The following SPATA13 variants were observed in gnomAD, a reference collection of about 807,000 sequenced individuals.
SPATA13 encodes spermatogenesis-associated protein 13.
Under a neutral mutation model 104.0 loss-of-function variants are expected in SPATA13, and 50 were observed. The ratio of observed to expected loss-of-function variants is 0.48; its 90% CI spans 0.38 to 0.61. The LOEUF (loss-of-function observed/expected upper bound fraction) is 0.61, where lower values mean the gene tolerates loss of function less well. Among genes scored for constraint, SPATA13 ranks in the 20% least tolerant of loss-of-function variants. The pLI, the probability that SPATA13 is intolerant of heterozygous loss-of-function variation, is 0.00. For missense variants in SPATA13, 1,524 were observed against 1,690.6 expected (o/e 0.90, Z 1.73); for synonymous variants, 606 against 667.5 (o/e 0.91, Z 1.42).
At chr13:24,240,433 T>C (rs9578697) in intron 2 of SPATA13, among the ~76,000 whole-genome samples, 48 of 152,078 alleles carry the variant, frequency 3.2e-4, no homozygotes, top group African/African-American at 1.1e-3. Flanking sequence ...AAAAACCTAT[T>C]AGCCTGGGAG....
intron 2 of SPATA13, among the ~76,000 whole-genome samples, chr13:24,226,861 A>G (rs938475394): frequency 1.4e-4 from 21 of 152,232 alleles, no homozygotes; most frequent in Non-Finnish European, 1.3e-4. Flanking sequence ...GGACTATCGC[A>G]GAGTACTTTC....
At chr13:24,197,670 G>A (rs1016469194) in intron 1 of SPATA13, among the ~76,000 whole-genome samples, 3 of 152,150 alleles carry the variant, frequency 2.0e-5, no homozygotes, top group Admixed American at 6.5e-5. Context: ...AATAAAGTAC[G>A]TCCTAGAGAA....
intron 3 of SPATA13, among the ~76,000 whole-genome samples, chr13:24,145,584 A>G (rs531121181): frequency 6.6e-6 from 1 of 152,354 alleles, no homozygotes; most frequent in East Asian, 1.9e-4. Flanking sequence ...GAATAACAGC[A>G]TTTGTGTAGC....
In SPATA13 at chr13:23,991,727, A is replaced by G. The variant is rs546734996; in HGVS notation, c.-147+7794A>G. Among the ~76,000 whole-genome samples, 6 of 152,286 alleles carry G rather than the reference A, an allele frequency of 3.9e-5. No homozygotes were observed. In the East Asian group the frequency reaches 1.2e-3, roughly 29 times the overall value. On this transcript the variant is annotated intron_variant, in intron 2 of 14. Coordinates refer to the SPATA13 transcript ENST00000424834. ...GCCCCTAACACCAAGAGGACAACAGAGTAATCATCCCACAGTGACCTTCAT... is the reference window on the plus strand; with the variant it reads ...GCCCCTAACACCAAGAGGACAACAGGGTAATCATCCCACAGTGACCTTCAT...
Position 24,167,556 on chromosome 13 carries a change from A to G in SPATA13, c.-112+6624A>G, listed in dbSNP as rs191725250. On this transcript the variant is annotated intron_variant, in intron 1 of 12. Coordinates refer to ENST00000382108, the MANE Select transcript of SPATA13 (RefSeq NM_001166271.3). ...GAATTCTGAACAGCCAGGTTCTAAA[A>G]TCGTGAAGTACCAATACTTCTGTGT... Among the ~76,000 whole-genome samples the G allele has an allele frequency of 2.8e-3, 429 of 152,294 alleles. 2 individuals are homozygous for G. The highest frequency in any genetic ancestry group is 9.7e-3 in the African/African-American group (402 of 41,570).
chr13:24,104,768 A>G (rs1366497728), intron 3 of SPATA13, among the ~76,000 whole-genome samples: 3 of 152,248 alleles, frequency 2.0e-5, no homozygotes, highest in African/African-American at 4.8e-5. Context: ...TTGATATAAT[A>G]ACTTGTTAGT....
intron 1 of SPATA13, among the ~76,000 whole-genome samples, chr13:24,184,424 T>C (rs1009234033): frequency 1.3e-5 from 2 of 152,168 alleles, no homozygotes; most frequent in Non-Finnish European, 2.9e-5. Flanking sequence ...CCAGAACCAT[T>C]TGGTCACCAG....
intron 4 of SPATA13, among the ~76,000 whole-genome samples, chr13:24,266,578 A>G (rs1485213814): frequency 2.6e-5 from 4 of 151,812 alleles, no homozygotes; most frequent in African/African-American, 9.7e-5. Context: ...GCCACCACAC[A>G]CAATCTTCAG....
At chr13:24,289,833 G>A (rs928940061) in intron 8 of SPATA13, among the ~76,000 whole-genome samples, 5 of 152,210 alleles carry the variant, frequency 3.3e-5, no homozygotes, top group Admixed American at 3.3e-4. Context: ...AATAGCTAGG[G>A]AACAGTAAGA....
chr13:24,061,849 C>T (rs1459973165), intron 3 of SPATA13, among the ~76,000 whole-genome samples: 1 of 150,796 alleles, frequency 6.6e-6, no homozygotes, highest in Non-Finnish European at 1.5e-5. Context: ...CAAATGTACC[C>T]CAAACCTAAC....
intron 3 of SPATA13, among the ~76,000 whole-genome samples, chr13:24,033,167 A>AG (rs1323606805): frequency 6.6e-6 from 1 of 152,248 alleles, no homozygotes; most frequent in Non-Finnish European, 1.5e-5. Context: ...TTTGAAAGCA[A>AG]GACCACTTAG....
At chr13:24,069,995 T>A (rs1025006796) in intron 3 of SPATA13, among the ~76,000 whole-genome samples, 4 of 152,032 alleles carry the variant, frequency 2.6e-5, no homozygotes, top group African/African-American at 9.7e-5. Context: ...GGTAGAGGGG[T>A]CTCTGGCAAG....
intron 3 of SPATA13, among the ~76,000 whole-genome samples, chr13:24,111,149 A>T (rs1190338004): frequency 6.6e-6 from 1 of 151,820 alleles, no homozygotes; most frequent in Non-Finnish European, 1.5e-5. Context: ...GTTTCAAGTG[A>T]TCCTCCCACC....
chr13:24,128,936 T>C lies in SPATA13; in HGVS notation c.-111-93883T>C, dbSNP rs75032010. ...TTTCTCACCCAAGATCAAGTAATGATTGGTTCCACTAAAGGCTTAGTAGAA... is the reference window on the plus strand; with the variant it reads ...TTTCTCACCCAAGATCAAGTAATGACTGGTTCCACTAAAGGCTTAGTAGAA... On this transcript the variant is annotated intron_variant, in intron 3 of 14. Transcript: ENST00000424834. Among the ~76,000 whole-genome samples, 1,418 of 152,312 alleles carry C rather than the reference T, an allele frequency of 9.3e-3. 17 individuals carry two copies. The highest frequency in any genetic ancestry group is 0.032 in the African/African-American group (1,339 of 41,566).
At position 24,305,660 on chromosome 13, in the gene SPATA13, T is replaced by C. The variant is rs1877533771; in HGVS notation, c.*2887T>C. The C allele has an allele frequency of 6.6e-6, 1 of 152,220 alleles. No homozygotes were observed. The highest frequency in any genetic ancestry group is 2.1e-4 in the South Asian group (1 of 4,830). The allele number at this position is 152,220 out of a possible 1,614,324, so 9.4% of individuals were successfully genotyped here. A position where few individuals can be genotyped will look rare whatever the true frequency, so the allele number is the denominator to read the frequency against. ...TTGCTCTCTCCCGCCTCTATGCCTT[T>C]CTCTCTTTTTAACCTTACTTTACAT... On this transcript the variant is annotated 3_prime_UTR_variant, in exon 13 of 13. Transcript: ENST00000382108.
intron 2 of SPATA13, among the ~76,000 whole-genome samples, chr13:24,004,584 T>G (rs1315936618): frequency 6.6e-6 from 1 of 152,162 alleles, no homozygotes; most frequent in Non-Finnish European, 1.5e-5. Context: ...GGAGTTCTCC[T>G]GGGTGTCCTG....
intron 3 of SPATA13, among the ~76,000 whole-genome samples, chr13:24,042,630 A>T (rs73162199): frequency 0.027 from 4,156 of 152,348 alleles, 84 homozygotes; most frequent in Non-Finnish European, 0.043. Flanking sequence ...TGGTGTATTC[A>T]TTACCAGGGG....
At chr13:24,103,586 G>A (rs1880336733) in intron 3 of SPATA13, among the ~76,000 whole-genome samples, 1 of 151,592 alleles carries the variant, frequency 6.6e-6, no homozygotes, top group Non-Finnish European at 1.5e-5. Context: ...AAAAATGCCT[G>A]CCAGAGCACC....
intron 3 of SPATA13, among the ~76,000 whole-genome samples, chr13:24,150,852 C>T (rs1204319074): frequency 6.6e-6 from 1 of 152,198 alleles, no homozygotes; most frequent in Non-Finnish European, 1.5e-5. Context: ...AGTGACTTAG[C>T]TGTTAGTATC....
Sources: allele counts gnomAD v4.1 joint callset (sites outside exome capture counted in the v4.1 genomes callset), GRCh38; gene constraint gnomAD v4.1.1; transcripts MANE v1.5; gene names NCBI Gene and HGNC (gene_info 2026-07-23, HGNC 2026-07-21).